The following DOCK2 variants were observed in gnomAD, a reference collection of about 807,000 sequenced individuals.
The protein encoded by DOCK2 is dedicator of cytokinesis protein 2.
DOCK2 carries 87 observed loss-of-function variants against 248.9 expected under a neutral mutation model. The ratio of observed to expected loss-of-function variants is 0.35; its 90% CI spans 0.29 to 0.42. The LOEUF (loss-of-function observed/expected upper bound fraction) is 0.42, where lower values mean the gene tolerates loss of function less well. DOCK2 is among the 10% of genes least tolerant of loss of function. DOCK2 has a pLI of 1.00. For synonymous variants in DOCK2, 805 were observed against 821.6 expected (o/e 0.98, Z 0.35); for missense variants, 1,747 against 2,300.2 (o/e 0.76, Z 4.92).
intron 22 of DOCK2, among the ~76,000 whole-genome samples, chr5:169,732,768 T>C (rs1470735775): frequency 6.6e-6 from 1 of 152,216 alleles, no homozygotes; most frequent in Admixed American, 6.5e-5. Context: ...CTGTATTTGC[T>C]TTCTCCAGTG....
intron 1 of DOCK2, among the ~76,000 whole-genome samples, chr5:169,645,361 T>C (rs1757400911): frequency 6.6e-6 from 1 of 152,254 alleles, no homozygotes. Context: ...CATTGTGCAT[T>C]TCTCAGATGA....
intron 23 of DOCK2, among the ~76,000 whole-genome samples, chr5:169,753,671 G>A (rs61256498): frequency 0.091 from 13,887 of 152,202 alleles, 1,132 homozygotes; most frequent in Admixed American, 0.28. Flanking sequence ...AAAACCCCAG[G>A]TGGATAAGAC....
chr5:169,832,697 T>C (rs140841068), intron 26 of DOCK2, among the ~76,000 whole-genome samples: 28 of 152,318 alleles, frequency 1.8e-4, no homozygotes, highest in Non-Finnish European at 3.5e-4. Context: ...TTACTATTTT[T>C]CAAAGTTAGA....
chr5:169,773,390 G>A (rs1351877117), intron 25 of DOCK2, among the ~76,000 whole-genome samples: 1 of 152,020 alleles, frequency 6.6e-6, no homozygotes, highest in African/African-American at 2.4e-5. Context: ...TTAATTAGGG[G>A]AGAAAAAAAT....
At chr5:170,077,290 G>A (rs1266586511) in intron 47 of DOCK2, among the ~76,000 whole-genome samples, 5 of 152,220 alleles carry the variant, frequency 3.3e-5, no homozygotes, top group South Asian at 2.1e-4. Flanking sequence ...CATTGGCCAT[G>A]TGATGGAAAT....
intron 29 of DOCK2, among the ~76,000 whole-genome samples, chr5:169,992,471 T>C (rs1035064304): frequency 6.6e-6 from 1 of 152,158 alleles, no homozygotes; most frequent in Non-Finnish European, 1.5e-5. Context: ...AGTACAATTA[T>C]TGTTGTTGTT....
chr5:169,772,926 T>C (rs1432783749), intron 25 of DOCK2: 1 of 152,226 alleles, frequency 6.6e-6, no homozygotes, highest in African/African-American at 2.4e-5. Context: ...CAGTGCCTCA[T>C]GTGCTGGAGC....
chr5:169,773,894 C>T (rs149410970), intron 25 of DOCK2, among the ~76,000 whole-genome samples: 73 of 152,276 alleles, frequency 4.8e-4, no homozygotes, highest in African/African-American at 1.6e-3. Flanking sequence ...AAACCCCGTT[C>T]GCTTGCTTCT....
chr5:169,683,577 C>T (rs1194885872), intron 7 of DOCK2, among the ~76,000 whole-genome samples: 1 of 152,196 alleles, frequency 6.6e-6, no homozygotes, highest in Non-Finnish European at 1.5e-5. Flanking sequence ...AGTTGCTCTA[C>T]ATCCTCGTCA....
intron 27 of DOCK2, among the ~76,000 whole-genome samples, chr5:169,925,397 T>C (rs1775384909): frequency 6.6e-6 from 1 of 151,960 alleles, no homozygotes; most frequent in Admixed American, 6.6e-5. Context: ...CTGGCCAACA[T>C]GGTGAAACCC....
chr5:170,047,866 G>C (rs1756771209), intron 40 of DOCK2, among the ~76,000 whole-genome samples: 1 of 152,178 alleles, frequency 6.6e-6, no homozygotes, highest in Admixed American at 6.5e-5. Flanking sequence ...CCCGTCACTG[G>C]AATGAGGTGT....
In DOCK2 at chr5:169,761,640, C is replaced by A. The variant is rs751018731; in HGVS notation, c.2554+15C>A. 8 of 1,607,770 alleles carry A rather than the reference C, an allele frequency of 5.0e-6. No individual in the cohort carries two copies. In the African/African-American group the frequency reaches 9.4e-5, roughly 19 times the overall value. The stretch of plus-strand genomic sequence containing the variant: ...TAAAAAGCAAGGTGAGTACACAGCA[C>A]CCTTGCTGGGGTGGGGTAAGGGGCC... On this transcript the variant is annotated intron_variant, in intron 25 of 51. Transcript: ENST00000520908.
chr5:169,975,066 A>C (rs901567858), intron 27 of DOCK2, among the ~76,000 whole-genome samples: 2 of 152,190 alleles, frequency 1.3e-5, no homozygotes, highest in African/African-American at 4.8e-5. Flanking sequence ...CTGGACTCAA[A>C]GATAAGTGGA....
chr5:170,015,757 A>T (rs892231269), intron 32 of DOCK2, among the ~76,000 whole-genome samples: 1 of 151,252 alleles, frequency 6.6e-6, no homozygotes, highest in Non-Finnish European at 1.5e-5. Flanking sequence ...TGCCCAACTT[A>T]ATTCTCAGCC....
At chr5:169,895,957 C>T (rs1443365558) in intron 27 of DOCK2, among the ~76,000 whole-genome samples, 4 of 152,216 alleles carry the variant, frequency 2.6e-5, no homozygotes, top group African/African-American at 4.8e-5. Flanking sequence ...TACCACTACC[C>T]TTGTCTTGCC....
intron 27 of DOCK2, among the ~76,000 whole-genome samples, chr5:169,970,955 C>G (rs1310346169): frequency 1.3e-5 from 2 of 151,866 alleles, no homozygotes; most frequent in East Asian, 1.9e-4. Context: ...GTTTTGCAGT[C>G]AGGGAGCCAT....
intron 48 of DOCK2, among the ~76,000 whole-genome samples, chr5:170,078,668 A>C (rs558878888): frequency 1.3e-5 from 2 of 152,350 alleles, no homozygotes; most frequent in East Asian, 3.9e-4. Context: ...CCGTGCCTGG[A>C]TTTGAATCCA....
chr5:170,060,560 T>C (rs558157917), intron 44 of DOCK2, among the ~76,000 whole-genome samples: 1 of 152,308 alleles, frequency 6.6e-6, no homozygotes, highest in South Asian at 2.1e-4. Flanking sequence ...TTCTTCCTGG[T>C]TCTTGTCTAC....
intron 33 of DOCK2, among the ~76,000 whole-genome samples, chr5:170,027,635 G>A (rs998790981): frequency 6.7e-6 from 1 of 150,070 alleles, no homozygotes; most frequent in Admixed American, 6.6e-5. Context: ...TCTCGCACGT[G>A]CTCTCTCTCT....
Sources: gnomAD v4.1 joint callset for allele counts (sites outside exome capture counted in the v4.1 genomes callset) on GRCh38, gnomAD v4.1.1 for gene constraint, MANE v1.5 for transcripts, NCBI Gene and HGNC (gene_info 2026-07-23, HGNC 2026-07-21) for gene names.